The following PRDM2 variants were observed in gnomAD, a reference collection of about 807,000 sequenced individuals.
The protein encoded by PRDM2 is PR domain zinc finger protein 2.
A neutral mutation model predicts 130.0 loss-of-function variants in PRDM2; 30 were observed. That is an observed-to-expected ratio of 0.23 (90% confidence interval 0.17 to 0.31). The LOEUF (loss-of-function observed/expected upper bound fraction) is 0.31, where lower values mean the gene tolerates loss of function less well. PRDM2 is among the 10% of genes least tolerant of loss of function. PRDM2 has a pLI of 1.00. For missense variants in PRDM2, 2,011 were observed against 2,108.4 expected (o/e 0.95, Z 0.90); for synonymous variants, 871 against 782.4 (o/e 1.11, Z -1.89).
At chr1:13,809,747 C>T (rs879411288) in intron 8 of PRDM2, among the ~76,000 whole-genome samples, 3 of 152,144 alleles carry the variant, frequency 2.0e-5, no homozygotes, top group South Asian at 4.1e-4. Flanking sequence ...GTCCAGACCC[C>T]GTGTTCAGAT....
rs145822900 is a variant in PRDM2 at position 13,782,632 on chromosome 1, G to A, written c.4837G>A (p.Val1613Met). ...CAGCAAAACATCACGGAGCCTGCACGTGAGGGTACAGAAAAGCAAAGCTGT... is the reference window on the plus strand; with the variant it reads ...CAGCAAAACATCACGGAGCCTGCACATGAGGGTACAGAAAAGCAAAGCTGT... ...LSSKTSRSLH[V>M]RVQKSKAVLQ... Residue 1613 changes from valine (V) to methionine (M), a missense_variant, in exon 8 of 10, where the codon GTG becomes ATG. By Grantham distance (21) the Val-to-Met change is conservative. This residue lies in a region of PRDM2 where 410 missense variants were observed against 395.9 expected (regional missense o/e 1.04). Transcript: ENST00000311066. The A allele has an allele frequency of 1.8e-4, 297 of 1,614,158 alleles. No homozygotes were observed. The highest frequency in any genetic ancestry group is 2.3e-4 in the Non-Finnish European group (268 of 1,180,038).
At chr1:13,731,151 C>A (rs1276046400) in intron 3 of PRDM2, 34 bp downstream of exon 3, 1 of 1,557,620 alleles carries the variant, frequency 6.4e-7, no homozygotes, top group South Asian at 1.1e-5. Flanking sequence ...GCAAGTCAGG[C>A]AGTAAAGAGC....
chr1:13,761,336 AT>A (rs985828370), intron 6 of PRDM2, among the ~76,000 whole-genome samples: 2 of 151,822 alleles, frequency 1.3e-5, no homozygotes, highest in African/African-American at 2.4e-5. Flanking sequence ...TATATGACAA[AT>A]TTTTTTTTAC....
rs1644589039 is a variant in PRDM2 at position 13,780,680 on chromosome 1, C to T, written c.2885C>T (p.Pro962Leu). The change falls in exon 8 of 10, where the codon CCT becomes CTT. Residue 962 changes from proline to leucine, a missense_variant. Physicochemically the swap from Pro to Leu is moderately conservative, Grantham distance 98. Coordinates refer to ENST00000311066, the MANE Select transcript of PRDM2 (RefSeq NM_001393986.1). Reference protein sequence around the residue: ...QTPSLSSGQLPPLLIPTDPSS... With the variant: ...QTPSLSSGQLLPLLIPTDPSS... ...CCCTCCCTTTCATCCGGTCAGCTGC[C>T]TCCTCTCTTGATCCCCACAGATCCC... 2.4e-5 allele frequency: 38 copies of T among 1,610,622 alleles called. No individual in the cohort carries two copies. Among genetic ancestry groups the T allele is most frequent in the Non-Finnish European group, 3.2e-5 (38 of 1,178,130 alleles).
At chr1:13,718,587 C>G (rs1282470785) in intron 2 of PRDM2, among the ~76,000 whole-genome samples, 1 of 152,184 alleles carries the variant, frequency 6.6e-6, no homozygotes, top group African/African-American at 2.4e-5. Flanking sequence ...TCTTTGCTTT[C>G]TTTCTCTTCC....
intron 6 of PRDM2, among the ~76,000 whole-genome samples, chr1:13,753,214 C>T (rs1643879507): frequency 6.6e-6 from 1 of 152,190 alleles, no homozygotes; most frequent in Non-Finnish European, 1.5e-5. Context: ...TTTATAGCGG[C>T]AAGAAGTTTT....
chr1:13,727,271 T>A (rs559521279), intron 2 of PRDM2, among the ~76,000 whole-genome samples: 78 of 149,088 alleles, frequency 5.2e-4, no homozygotes, highest in Admixed American at 1.1e-3. Flanking sequence ...ACTGTGTTCC[T>A]TTTTTTTTTG....
At chr1:13,741,444 C>T (rs987489814) in intron 4 of PRDM2, among the ~76,000 whole-genome samples, 4 of 152,134 alleles carry the variant, frequency 2.6e-5, no homozygotes, top group African/African-American at 9.7e-5. Context: ...TATCCTGTCA[C>T]CCATGTGCCT....
intron 6 of PRDM2, among the ~76,000 whole-genome samples, chr1:13,762,233 G>A (rs955947376): frequency 2.6e-5 from 4 of 152,202 alleles, no homozygotes; most frequent in South Asian, 2.1e-4. Flanking sequence ...CATCTGCCTC[G>A]AATGGGATTA....
chr1:13,736,396 A>G (rs1485479990), intron 4 of PRDM2, among the ~76,000 whole-genome samples: 1 of 152,158 alleles, frequency 6.6e-6, no homozygotes, highest in Admixed American at 6.5e-5. Context: ...TGCTGGGGTT[A>G]CAGGTGCGAG....
At chr1:13,813,324 C>T (rs1322403529) in intron 8 of PRDM2, among the ~76,000 whole-genome samples, 1 of 152,146 alleles carries the variant, frequency 6.6e-6, no homozygotes, top group East Asian at 1.9e-4. Context: ...ATTCCGGAGC[C>T]TTGGTCCTCG....
At chr1:13,714,964 A>G (rs2100414065) in intron 1 of PRDM2, among the ~76,000 whole-genome samples, 1 of 152,354 alleles carries the variant, frequency 6.6e-6, no homozygotes, top group East Asian at 1.9e-4. Flanking sequence ...CTATACTATG[A>G]ATACATGGAA....
intron 6 of PRDM2, among the ~76,000 whole-genome samples, chr1:13,761,790 AAAATG>A (rs1644104062): frequency 6.6e-6 from 1 of 152,180 alleles, no homozygotes. Context: ...ACAGACTTTA[AAAATG>A]AAATACACTC....
chr1:13,722,845 T>A (rs1642777232), intron 2 of PRDM2: 2 of 517,014 alleles, frequency 3.9e-6, no homozygotes, highest in Non-Finnish European at 7.7e-6. Context: ...AAAAGCGTTT[T>A]GAATCAGATA....
intron 8 of PRDM2, among the ~76,000 whole-genome samples, chr1:13,790,059 A>G (rs1347445109): frequency 6.8e-6 from 1 of 147,462 alleles, no homozygotes; most frequent in Non-Finnish European, 1.5e-5. Flanking sequence ...CTGCCCTTCA[A>G]CACCGTGGGT....
intron 8 of PRDM2, among the ~76,000 whole-genome samples, chr1:13,807,614 C>T (rs1005316455): frequency 6.6e-6 from 1 of 152,138 alleles, no homozygotes. Flanking sequence ...CACAAGACCA[C>T]CTGGGGGAAG....
intron 6 of PRDM2, among the ~76,000 whole-genome samples, chr1:13,752,445 A>G (rs1385446496): frequency 6.6e-6 from 1 of 152,226 alleles, no homozygotes; most frequent in Non-Finnish European, 1.5e-5. Context: ...GAGGGTTTTT[A>G]GTGTCAGGTG....
intron 1 of PRDM2, among the ~76,000 whole-genome samples, chr1:13,708,578 C>T (rs963019336): frequency 2.6e-5 from 4 of 152,230 alleles, no homozygotes; most frequent in South Asian, 2.1e-4. Context: ...TCTATGCATT[C>T]GGGGAGTCAG....
intron 6 of PRDM2, among the ~76,000 whole-genome samples, chr1:13,769,414 G>T (rs375760277): frequency 6.6e-6 from 1 of 152,302 alleles, no homozygotes. Flanking sequence ...GGGACACCAA[G>T]CCTGTGTATG....
Sources: gnomAD v4.1 joint callset for allele counts (sites outside exome capture counted in the v4.1 genomes callset) on GRCh38, gnomAD v4.1.1 for gene constraint, gnomAD v4.1.1 regional missense constraint, MANE v1.5 for transcripts, NCBI Gene and HGNC (gene_info 2026-07-23, HGNC 2026-07-21) for gene names.